Variants in TSTD2 observed in about 807,000 individuals in gnomAD.
TSTD2 encodes thiosulfate sulfurtransferase like domain containing 2.
Under a neutral mutation model 47.9 loss-of-function variants are expected in TSTD2, and 37 were observed. That is an observed-to-expected ratio of 0.77 (90% confidence interval 0.59 to 1.02). The LOEUF is 1.02. Among genes scored for constraint, TSTD2 ranks in the 50% least tolerant of loss-of-function variants. TSTD2 has a pLI of 0.00. For synonymous variants in TSTD2, 201 were observed against 215.9 expected (o/e 0.93, Z 0.61); for missense variants, 586 against 616.0 (o/e 0.95, Z 0.52).
At chr9:97,606,774 A>T (rs1826372372) in intron 6 of TSTD2, among the ~76,000 whole-genome samples, 1 of 152,216 alleles carries the variant, frequency 6.6e-6, no homozygotes. Context: ...TGTGAGCAAA[A>T]AGTTATGGAA....
Position 97,605,603 on chromosome 9 carries a change from T to G in TSTD2, c.993A>C (p.Lys331Asn). 1.2e-6 allele frequency: 2 copies of G among 1,614,262 alleles called. No individual in the cohort carries two copies. Among genetic ancestry groups the G allele is most frequent in the Non-Finnish European group, 1.7e-6 (2 of 1,180,048 alleles). Reference protein sequence around the residue: ...FQGCLAPDIRKFSYFPSYVDK... With the variant: ...FQGCLAPDIRNFSYFPSYVDK... ...CAACGTAGCTAGGGAAGTAACTGAA[T>G]TTCCTGATGTCTGGGGCTAAGCAGC... The change falls in exon 8 of 10, where the codon AAA becomes AAC. Residue 331 changes from lysine (K) to asparagine (N), a missense_variant. Physicochemically the swap from Lys to Asn is moderately conservative, Grantham distance 94 (BLOSUM62 0). Transcript: ENST00000341170.
At chr9:97,611,737 C>A in intron 4 of TSTD2, 38 bp from the exon 5 acceptor site, 1 of 1,578,994 alleles carries the variant, frequency 6.3e-7, no homozygotes, top group South Asian at 1.1e-5. Flanking sequence ...ACAGATTGTT[C>A]TTAGCTTGGT....
intron 6 of TSTD2, 166 bp downstream of exon 6, chr9:97,610,180 C>T: frequency 2.0e-6 from 1 of 505,470 alleles, no homozygotes; most frequent in Non-Finnish European, 3.6e-6. Flanking sequence ...CCCCACAGCA[C>T]CACAGAGAAA....
chr9:97,626,955 A>G (rs1278239016), intron 2 of TSTD2, among the ~76,000 whole-genome samples: 5 of 152,140 alleles, frequency 3.3e-5, no homozygotes, highest in Admixed American at 2.0e-4. Context: ...GATTAGTAGT[A>G]ATGCTGAATA....
At chr9:97,624,535 G>A (rs1326788159) in intron 3 of TSTD2, among the ~76,000 whole-genome samples, 1 of 152,146 alleles carries the variant, frequency 6.6e-6, no homozygotes, top group Admixed American at 6.5e-5. Flanking sequence ...CAGAGAGTTT[G>A]GATCTAGAAT....
chr9:97,606,391 A>G (rs1826365941), intron 6 of TSTD2, 130 bp from the exon 7 acceptor site: 1 of 592,634 alleles, frequency 1.7e-6, no homozygotes, highest in African/African-American at 1.9e-5. Flanking sequence ...CATAATTACA[A>G]CTGTCTGAAA....
At chr9:97,620,362 C>T (rs1209547472) in intron 3 of TSTD2, among the ~76,000 whole-genome samples, 2 of 152,134 alleles carry the variant, frequency 1.3e-5, no homozygotes, top group African/African-American at 4.8e-5. Flanking sequence ...TCCATTAAAC[C>T]TCTTTCTTTT....
In TSTD2 at chr9:97,601,675, A is replaced by C. The variant is rs1587972741; in HGVS notation, c.*794T>G. On this transcript the variant is annotated 3_prime_UTR_variant, in exon 10 of 10. Transcript: ENST00000341170. ...ACATAGTGTCTGTTGCAACTATTCA[A>C]CTCTGCCATAGATCATGTGTAAAGG... 1.5e-6 allele frequency: 1 copy of C among 654,178 alleles called. No homozygotes were observed. The highest frequency in any genetic ancestry group is 1.9e-6 in the Non-Finnish European group (1 of 526,780). 40.5% of individuals were successfully genotyped at this position (654,178 alleles called of 1,614,324 possible).
intron 9 of TSTD2, chr9:97,604,517 G>C (rs1826331198): frequency 1.9e-5 from 12 of 633,250 alleles, no homozygotes; most frequent in South Asian, 1.1e-4. Flanking sequence ...CAATGGTGAA[G>C]CCAGGATCCC....
At chr9:97,607,253 C>G (rs1182025155) in intron 6 of TSTD2, among the ~76,000 whole-genome samples, 1 of 152,190 alleles carries the variant, frequency 6.6e-6, no homozygotes, top group African/African-American at 2.4e-5. Context: ...TAGAAATATT[C>G]CCCTATCTTT....
intron 2 of TSTD2, among the ~76,000 whole-genome samples, chr9:97,626,770 T>C (rs1367444633): frequency 3.3e-5 from 5 of 152,186 alleles, no homozygotes; most frequent in African/African-American, 1.2e-4. Context: ...TAATCTGTAA[T>C]AGTGACTTCC....
chr9:97,628,700 T>C (rs1023342969), intron 1 of TSTD2, among the ~76,000 whole-genome samples: 3 of 152,152 alleles, frequency 2.0e-5, no homozygotes, highest in African/African-American at 7.2e-5. Context: ...CTCCCAAAAA[T>C]AAAGCGTGAT....
At position 97,602,707 on chromosome 9, in the gene TSTD2, C is replaced by T. The variant is rs544003683; in HGVS notation, c.1313G>A (p.Arg438His). Residue 438 changes from arginine to histidine, a missense_variant, in exon 10 of 10, where the codon CGC becomes CAC. Arg to His is a conservative substitution (Grantham distance 29, BLOSUM62 0). Coordinates refer to ENST00000341170, the MANE Select transcript of TSTD2 (RefSeq NM_139246.5). ...QYKLCSTPQC[R>H]QLVLTCPACQ... ...GGCAGGGCAGGTCAAAACGAGCTGGCGGCACTGGGGAGTAGAGCAGAGTTT... is the reference window on the plus strand; with the variant it reads ...GGCAGGGCAGGTCAAAACGAGCTGGTGGCACTGGGGAGTAGAGCAGAGTTT... 34 of 1,614,116 alleles carry T rather than the reference C, an allele frequency of 2.1e-5. No homozygotes were observed. The highest frequency in any genetic ancestry group is 1.1e-4 in the South Asian group (10 of 91,058).
chr9:97,605,330 C>T (rs571182124), intron 8 of TSTD2, among the ~76,000 whole-genome samples, 153 bp downstream of exon 8: 9 of 152,266 alleles, frequency 5.9e-5, no homozygotes, highest in Non-Finnish European at 1.2e-4. Context: ...TTTGTACTTA[C>T]GAACTCCATG....
At chr9:97,622,373 C>G (rs1375135787) in intron 3 of TSTD2, among the ~76,000 whole-genome samples, 1 of 152,240 alleles carries the variant, frequency 6.6e-6, no homozygotes, top group Non-Finnish European at 1.5e-5. Flanking sequence ...GCCTAGATTT[C>G]AGAGGATGTA....
At chr9:97,607,347 C>G (rs1383002483) in intron 6 of TSTD2, among the ~76,000 whole-genome samples, 1 of 152,182 alleles carries the variant, frequency 6.6e-6, no homozygotes, top group Non-Finnish European at 1.5e-5. Flanking sequence ...GGCAGGGGCT[C>G]TGGTGACTCA....
At chr9:97,620,873 T>G (rs1273593141) in intron 3 of TSTD2, among the ~76,000 whole-genome samples, 1 of 152,182 alleles carries the variant, frequency 6.6e-6, no homozygotes, top group Non-Finnish European at 1.5e-5. Flanking sequence ...TTCAAAAAAT[T>G]TGCAGTCTGA....
rs2131322947 is a variant in TSTD2 at position 97,633,303 on chromosome 9, T to C, written c.-111A>G. 1 of 296,424 alleles carries C rather than the reference T, an allele frequency of 3.4e-6. No homozygotes were observed. The highest frequency in any genetic ancestry group is 6.2e-6 in the Non-Finnish European group (1 of 161,258). The allele number at this position is 296,424 out of a possible 1,614,324, so 18.4% of individuals were successfully genotyped here. ...CTGCACTGTCTCCGCCTAGCAATTG[T>C]CACTGCTCACCGCCCTCGAGCCTAT... is the stretch of plus-strand genomic sequence containing the variant. On this transcript the variant is annotated 5_prime_UTR_variant, in exon 1 of 10. Coordinates refer to ENST00000341170, the MANE Select transcript of TSTD2 (RefSeq NM_139246.5).
chr9:97,609,957 CA>C (rs1826429597), intron 6 of TSTD2, among the ~76,000 whole-genome samples: 1 of 152,154 alleles, frequency 6.6e-6, no homozygotes, highest in Non-Finnish European at 1.5e-5. Context: ...GGGGAAAGAA[CA>C]TTCTAGAGCA....
Sources: gnomAD v4.1 joint callset for allele counts (sites outside exome capture counted in the v4.1 genomes callset) on GRCh38, gnomAD v4.1.1 for gene constraint, MANE v1.5 for transcripts, NCBI Gene and HGNC (gene_info 2026-07-23, HGNC 2026-07-21) for gene names.